Variants in CALN1 observed in about 807,000 individuals in gnomAD.
CALN1 encodes calcium-binding protein 8.
In CALN1, 17 loss-of-function variants were observed where a neutral mutation model predicts 30.6. The ratio of observed to expected loss-of-function variants is 0.56; its 90% CI spans 0.38 to 0.83. CALN1 has a LOEUF of 0.83. Among genes scored for constraint, CALN1 ranks in the 40% least tolerant of loss-of-function variants. The pLI, the probability that CALN1 is intolerant of heterozygous loss-of-function variation, is 0.00. For missense variants in CALN1, 291 were observed against 354.9 expected, an observed-to-expected ratio of 0.82 and a Z score of 1.45; for synonymous variants, 156 against 131.4, an observed-to-expected ratio of 1.19 and a Z score of -1.28.
intron 3 of CALN1, among the ~76,000 whole-genome samples, chr7:72,241,010 A>G (rs554349088): frequency 7.2e-4 from 109 of 152,328 alleles, no homozygotes; most frequent in African/African-American, 2.5e-3. Flanking sequence ...GCATTATCAG[A>G]GTCTATATCT....
At chr7:72,017,653 C>A (rs1270050580) in intron 5 of CALN1, among the ~76,000 whole-genome samples, 1 of 152,106 alleles carries the variant, frequency 6.6e-6, no homozygotes, top group Non-Finnish European at 1.5e-5. Context: ...GACCTTTAGC[C>A]CCGGACTCAT....
chr7:72,044,041 C>G (rs1029810718), intron 4 of CALN1, among the ~76,000 whole-genome samples: 2 of 151,886 alleles, frequency 1.3e-5, no homozygotes, highest in African/African-American at 4.8e-5. Flanking sequence ...CCCACCCCCA[C>G]CATGATTCAA....
intron 3 of CALN1, among the ~76,000 whole-genome samples, chr7:72,144,473 G>A (rs1024274807): frequency 6.6e-6 from 1 of 152,116 alleles, no homozygotes; most frequent in Non-Finnish European, 1.5e-5. Context: ...GATTCATAAA[G>A]CAAGTCCTTA....
At chr7:72,372,835 T>C (rs1804325461) in intron 2 of CALN1, among the ~76,000 whole-genome samples, 1 of 152,120 alleles carries the variant, frequency 6.6e-6, no homozygotes, top group Non-Finnish European at 1.5e-5. Flanking sequence ...ACTCAAAATG[T>C]CAAGGATACA....
chr7:72,434,802 A>G (rs1285980966), intron 1 of CALN1, among the ~76,000 whole-genome samples: 1 of 152,120 alleles, frequency 6.6e-6, no homozygotes, highest in East Asian at 1.9e-4. Flanking sequence ...AGCAGGAAAA[A>G]CTTTTTTGCT....
At chr7:72,214,603 G>A (rs2129548443) in intron 3 of CALN1, among the ~76,000 whole-genome samples, 1 of 152,244 alleles carries the variant, frequency 6.6e-6, no homozygotes, top group African/African-American at 2.4e-5. Context: ...GGGTGACAGA[G>A]CGAGATCTTG....
intron 5 of CALN1, among the ~76,000 whole-genome samples, chr7:71,967,162 G>A (rs1361242997): frequency 6.6e-6 from 1 of 152,108 alleles, no homozygotes; most frequent in Non-Finnish European, 1.5e-5. Context: ...AACAGAGAAA[G>A]CCTTTATCTA....
At chr7:71,893,597 T>C (rs954753203) in intron 5 of CALN1, among the ~76,000 whole-genome samples, 4 of 151,494 alleles carry the variant, frequency 2.6e-5, no homozygotes, top group Non-Finnish European at 4.4e-5. Context: ...AGGCTGAGGA[T>C]GGAGATTCAC....
chr7:72,005,122 T>A (rs76684004), intron 5 of CALN1, among the ~76,000 whole-genome samples: 1 of 152,130 alleles, frequency 6.6e-6, no homozygotes, highest in Non-Finnish European at 1.5e-5. Flanking sequence ...GATACCAACC[T>A]GCAAGTGCAT....
intron 3 of CALN1, among the ~76,000 whole-genome samples, chr7:72,222,906 AGCTACTCG>A (rs1332981482): frequency 6.6e-6 from 1 of 152,184 alleles, no homozygotes; most frequent in African/African-American, 2.4e-5. Context: ...CTGTAGTCCC[AGCTACTCG>A]GGAGGTTGAG....
At chr7:72,384,664 C>A (rs2129561052) in intron 2 of CALN1, among the ~76,000 whole-genome samples, 1 of 151,728 alleles carries the variant, frequency 6.6e-6, no homozygotes, top group South Asian at 2.1e-4. Context: ...AAAGTAAAAG[C>A]AAAATGGATC....
intron 3 of CALN1, among the ~76,000 whole-genome samples, chr7:72,187,474 T>C (rs1790287605): frequency 6.6e-6 from 1 of 152,116 alleles, no homozygotes; most frequent in Non-Finnish European, 1.5e-5. Context: ...GTAAGATCAG[T>C]GGTGGCATTA....
At chr7:72,327,551 A>C (rs1235530687) in intron 2 of CALN1, among the ~76,000 whole-genome samples, 1 of 152,210 alleles carries the variant, frequency 6.6e-6, no homozygotes, top group Non-Finnish European at 1.5e-5. Flanking sequence ...TCAAAGAATA[A>C]TACTTAGTTG....
At chr7:71,865,338 C>T (rs181442825) in intron 5 of CALN1, among the ~76,000 whole-genome samples, 98 of 152,324 alleles carry the variant, frequency 6.4e-4, no homozygotes, top group Admixed American at 1.8e-3. Context: ...GCTCTGGCCA[C>T]GTAAGAAGTG....
At chr7:72,337,226 A>T in intron 2 of CALN1, 1 of 984,918 alleles carries the variant, frequency 1.0e-6, no homozygotes, top group Non-Finnish European at 1.2e-6. Flanking sequence ...TGCCGCCGAC[A>T]GCACCACACT....
chr7:72,270,231 G>C (rs562988732), intron 3 of CALN1, among the ~76,000 whole-genome samples: 33 of 151,766 alleles, frequency 2.2e-4, no homozygotes, highest in Non-Finnish European at 4.6e-4. Context: ...CTGAGGCAGG[G>C]GGATCACTTG....
intron 2 of CALN1, among the ~76,000 whole-genome samples, chr7:72,348,447 A>G (rs1562911716): frequency 6.6e-6 from 1 of 152,230 alleles, no homozygotes; most frequent in Non-Finnish European, 1.5e-5. Flanking sequence ...TGTGGGGCAG[A>G]GAACTGGAGA....
chr7:72,404,420 TA>T (rs1806560763), intron 1 of CALN1, among the ~76,000 whole-genome samples: 1 of 152,004 alleles, frequency 6.6e-6, no homozygotes, highest in African/African-American at 2.4e-5. Flanking sequence ...AAACAAACAA[TA>T]ATAAAGACAA....
intron 6 of CALN1, among the ~76,000 whole-genome samples, chr7:71,791,633 C>T (rs926661311): frequency 7.2e-5 from 11 of 152,290 alleles, no homozygotes; most frequent in African/African-American, 2.6e-4. Context: ...GTGAAATAAT[C>T]TGTACAACAA....
Sources: allele counts gnomAD v4.1 joint callset (sites outside exome capture counted in the v4.1 genomes callset), GRCh38; gene constraint gnomAD v4.1.1; transcripts MANE v1.5; gene names NCBI Gene and HGNC (gene_info 2026-07-23, HGNC 2026-07-21).